Variants in PKHD1 observed in about 807,000 individuals in gnomAD.
The protein encoded by PKHD1 is fibrocystin.
A neutral mutation model predicts 412.0 loss-of-function variants in PKHD1; 291 were observed. That is an observed-to-expected ratio of 0.71 (90% CI 0.64 to 0.78). PKHD1 has a LOEUF of 0.78. Ranked by LOEUF, PKHD1 falls within the 30% of genes least tolerant of loss-of-function variation. PKHD1 has a pLI of 0.00. For synonymous variants in PKHD1, 1,777 were observed against 1,821.5 expected (o/e 0.98, Z 0.62); for missense variants, 4,825 against 4,950.7 (o/e 0.97, Z 0.76).
At chr6:51,862,797 A>G in intron 48 of PKHD1, among the ~76,000 whole-genome samples, 1 of 152,230 alleles carries the variant, frequency 6.6e-6, no homozygotes, top group African/African-American at 2.4e-5. Flanking sequence ...ACGATGAATC[A>G]AAGTCAACGC....
chr6:52,034,705 C>A (rs1803656440), intron 28 of PKHD1, among the ~76,000 whole-genome samples: 1 of 151,996 alleles, frequency 6.6e-6, no homozygotes, highest in Non-Finnish European at 1.5e-5. Context: ...TGATTAAAGC[C>A]CTGTTGTTTA....
In PKHD1 at chr6:52,043,121, G is replaced by C; in HGVS notation, c.2835C>G (p.Asn945Lys). 6.2e-7 allele frequency: 1 copy of C among 1,612,108 alleles called. No individual in the cohort carries two copies. The highest frequency in any genetic ancestry group is 8.5e-7 in the Non-Finnish European group (1 of 1,178,260). The change falls in exon 27 of 67, where the codon AAC (asparagine) becomes AAG (lysine). Residue 945 changes from asparagine to lysine, a missense_variant. Asn to Lys is a moderately conservative substitution (Grantham distance 94, BLOSUM62 0). Transcript: ENST00000371117. ...SVWYSIDGDI[N>K]LMIYITGTGF... ...CAGTTCCGGTAATGTAAATCATTAG[G>C]TTGATGTCACCATCTTAAAGGAGAA...
At chr6:52,018,419 A>T (rs1265931375) in intron 33 of PKHD1, among the ~76,000 whole-genome samples, 2 of 152,240 alleles carry the variant, frequency 1.3e-5, no homozygotes, top group East Asian at 3.8e-4. Flanking sequence ...AGCACTTGAA[A>T]TTATCAGACT....
At chr6:51,996,699 G>A (rs1405077240) in intron 35 of PKHD1, among the ~76,000 whole-genome samples, 1 of 152,194 alleles carries the variant, frequency 6.6e-6, no homozygotes, top group Non-Finnish European at 1.5e-5. Flanking sequence ...TACAGAAAAG[G>A]TGACTTGTTT....
At chr6:51,741,222 T>C (rs1784510469) in intron 60 of PKHD1, 2 of 518,216 alleles carry the variant, frequency 3.9e-6, no homozygotes, top group Admixed American at 1.9e-5. Context: ...TGATTAAACA[T>C]GGAGAATCTG....
chr6:52,024,735 C>T lies in PKHD1; in HGVS notation c.5075G>A (p.Cys1692Tyr). ...GGTGTGGTTACCAGAGACACCCACA[C>T]AGGGTGACATTCCTATAAAAATGTC... ...NIDIFIGMSP[C>Y]VGVSGNHTVL... is the part of the protein sequence containing the mutation. Residue 1692 changes from cysteine to tyrosine, a missense_variant, in exon 32 of 67, where the codon TGT becomes TAT. Physicochemically the swap from Cys to Tyr is radical, Grantham distance 194. Coordinates refer to ENST00000371117, the MANE Select transcript of PKHD1 (RefSeq NM_138694.4). 1.2e-6 allele frequency: 2 copies of T among 1,614,192 alleles called. No individual in the cohort carries two copies. Among genetic ancestry groups the T allele is most frequent in the Non-Finnish European group, 1.7e-6 (2 of 1,180,036 alleles).
chr6:51,721,944 C>T (rs1198351383), intron 60 of PKHD1: 34 of 1,613,078 alleles, frequency 2.1e-5, no homozygotes, highest in Non-Finnish European at 2.2e-5. Context: ...TTCCTGCTGC[C>T]TCATTAATCT....
At position 52,027,850 on chromosome 6, in the gene PKHD1, G is replaced by C. The variant is rs1802451491; in HGVS notation, c.3607C>G (p.Pro1203Ala). ...QYLTEVFSIE[P>A]CCGSLLGGTI... ...TCACCCAGCAGGGACCCACAGCAAG[G>C]CTCGATGCTGAAAACTTCTGTGAGG... The change falls in exon 31 of 67, where the codon CCT (proline) becomes GCT (alanine). Residue 1203 changes from proline (P) to alanine (A), a missense_variant. Transcript: ENST00000371117. 5 of 1,613,010 alleles carry C rather than the reference G, an allele frequency of 3.1e-6. No individual in the cohort carries two copies. In the South Asian group the frequency reaches 5.5e-5, roughly 18 times the overall value.
chr6:51,908,860 C>A (rs965486633), intron 40 of PKHD1, among the ~76,000 whole-genome samples: 1 of 152,106 alleles, frequency 6.6e-6, no homozygotes, highest in Admixed American at 6.6e-5. Flanking sequence ...TGGACTCCCA[C>A]AGTGTTGATA....
intron 52 of PKHD1, among the ~76,000 whole-genome samples, chr6:51,799,901 A>G (rs1170024962): frequency 1.3e-5 from 2 of 152,174 alleles, no homozygotes; most frequent in Non-Finnish European, 2.9e-5. Context: ...CTCTAATTTA[A>G]GTGTGTTCCA....
intron 63 of PKHD1, among the ~76,000 whole-genome samples, 199 bp from the exon 64 acceptor site, chr6:51,639,155 G>C (rs1324402389): frequency 1.3e-5 from 2 of 152,074 alleles, no homozygotes; most frequent in African/African-American, 4.8e-5. Context: ...AACATATATT[G>C]AAAGTTCCAC....
At chr6:51,739,446 G>T (rs1416242192) in intron 60 of PKHD1, among the ~76,000 whole-genome samples, 3 of 151,996 alleles carry the variant, frequency 2.0e-5, no homozygotes, top group Non-Finnish European at 4.4e-5. Flanking sequence ...GGCCATGCTG[G>T]TCTCCAACTC....
At chr6:51,658,240 C>A (rs902236580) in intron 61 of PKHD1, among the ~76,000 whole-genome samples, 1 of 152,018 alleles carries the variant, frequency 6.6e-6, no homozygotes, top group Non-Finnish European at 1.5e-5. Context: ...TTAAATCAAC[C>A]AGATCCAGAA....
intron 24 of PKHD1, 93 bp downstream of exon 24, chr6:52,045,911 T>C: frequency 1.1e-6 from 1 of 870,288 alleles, no homozygotes; most frequent in Non-Finnish European, 1.9e-6. Flanking sequence ...TAATAATTCA[T>C]GACAGTTTCC....
chr6:52,046,776 T>C (rs1420282620), intron 23 of PKHD1, among the ~76,000 whole-genome samples: 1 of 152,250 alleles, frequency 6.6e-6, no homozygotes, highest in Admixed American at 6.5e-5. Context: ...TGCTTTGTGC[T>C]CTACCAGAAG....
intron 35 of PKHD1, among the ~76,000 whole-genome samples, chr6:51,981,310 G>C (rs866750946): frequency 0.013 from 167 of 12,904 alleles, 24 homozygotes; most frequent in African/African-American, 0.016. Context: ...CAAAGCTCAA[G>C]CTCTCCCTCT....
chr6:51,847,767 A>C lies in PKHD1; in HGVS notation c.8107+8T>G, dbSNP rs368339881. ...GCTCTCAAAACATTCATCCAATTGGATACTTACCCAGATAGGTGAGTTGCC... is the reference window on the plus strand; with the variant it reads ...GCTCTCAAAACATTCATCCAATTGGCTACTTACCCAGATAGGTGAGTTGCC... On this transcript the variant is annotated splice_region_variant and intron_variant, in intron 50 of 66. Coordinates refer to ENST00000371117, the MANE Select transcript of PKHD1 (RefSeq NM_138694.4). 180 of 1,588,808 alleles carry C rather than the reference A, an allele frequency of 1.1e-4. No individual in the cohort carries two copies. The highest frequency in any genetic ancestry group is 1.4e-4 in the Non-Finnish European group (160 of 1,157,166).
chr6:51,855,059 G>A (rs1773031024), intron 49 of PKHD1, among the ~76,000 whole-genome samples: 1 of 152,236 alleles, frequency 6.6e-6, no homozygotes, highest in Non-Finnish European at 1.5e-5. Context: ...GGGTTCGCGA[G>A]TGGGATCTTC....
chr6:51,950,555 A>G (rs1028512322), intron 36 of PKHD1, among the ~76,000 whole-genome samples: 1 of 152,150 alleles, frequency 6.6e-6, no homozygotes, highest in Admixed American at 6.5e-5. Context: ...GTCTTAAAAC[A>G]CAGACTACTG....
Sources: allele counts gnomAD v4.1 joint callset (sites outside exome capture counted in the v4.1 genomes callset), GRCh38; gene constraint gnomAD v4.1.1; transcripts MANE v1.5; gene names NCBI Gene and HGNC (gene_info 2026-07-23, HGNC 2026-07-21).